The following OR4Q3 variants were observed in gnomAD, a reference collection of about 807,000 sequenced individuals.
OR4Q3 encodes olfactory receptor family 4 subfamily Q member 3.
Under a neutral mutation model 18.8 loss-of-function variants are expected in OR4Q3, and 17 were observed. That is an observed-to-expected ratio of 0.91 (90% CI 0.62 to 1.36). The LOEUF (loss-of-function observed/expected upper bound fraction) is 1.36, where lower values mean the gene tolerates loss of function less well. Ranked by LOEUF, OR4Q3 falls within the 40% of genes most tolerant of loss-of-function variation. The probability of loss-of-function intolerance (pLI) is 0.00; values close to 1 mark genes in which losing one functional copy is unlikely to be tolerated. For synonymous variants in OR4Q3, 158 were observed against 145.8 expected (o/e 1.08, Z -0.60); for missense variants, 378 against 373.4 (o/e 1.01, Z -0.10).
At chr14:19,747,793 C>G in exon 2 of OR4Q3, 2 of 1,614,046 alleles carry the variant, frequency 1.2e-6, no homozygotes, top group South Asian at 2.2e-5. Flanking sequence ...TGGCCTATGA[C>G]AGGTATGTTG....
At chr14:19,750,675 G>A, downstream of OR4Q3, among the ~76,000 whole-genome samples, 1 of 152,214 alleles carries the variant, frequency 6.6e-6, no homozygotes, top group Non-Finnish European at 1.5e-5. Context: ...TGTGTTGGGA[G>A]TTAATGACTT....
chr14:19,751,731 GT>G, downstream of OR4Q3, among the ~76,000 whole-genome samples: 1 of 151,790 alleles, frequency 6.6e-6, no homozygotes, highest in East Asian at 1.9e-4. Flanking sequence ...GGGATCAGTT[GT>G]AATGTCATTT....
exon 2 of OR4Q3, chr14:19,748,277 A>G: frequency 6.3e-7 from 1 of 1,596,842 alleles, no homozygotes; most frequent in African/African-American, 1.3e-5. Flanking sequence ...ACCTATGTTG[A>G]ACCCCCTCAT....
chr14:19,749,202 G>A, exon 2 of OR4Q3: 1 of 152,256 alleles, frequency 6.6e-6, no homozygotes, highest in Non-Finnish European at 1.5e-5. Context: ...TTTTTGAGAT[G>A]CTCACAGTTA....
exon 2 of OR4Q3, chr14:19,749,318 G>A: frequency 6.6e-6 from 1 of 152,292 alleles, no homozygotes; most frequent in African/African-American, 2.4e-5. Flanking sequence ...TAGAAGAAAT[G>A]CAATCAATCA....
At chr14:19,749,929 C>T, downstream of OR4Q3, among the ~76,000 whole-genome samples, 6 of 136,316 alleles carry the variant, frequency 4.4e-5, no homozygotes, top group Admixed American at 3.9e-4. Context: ...TTCTTTCTCT[C>T]TCTCTTTCTT....
At chr14:19,744,742 G>A in intron 1 of OR4Q3, among the ~76,000 whole-genome samples, 1 of 152,194 alleles carries the variant, frequency 6.6e-6, no homozygotes, top group Non-Finnish European at 1.5e-5. Flanking sequence ...ATGGGATAAT[G>A]AAGCTGGTGT....
At chr14:19,746,550 C>T in intron 1 of OR4Q3, among the ~76,000 whole-genome samples, 2 of 152,138 alleles carry the variant, frequency 1.3e-5, no homozygotes, top group African/African-American at 4.8e-5. Flanking sequence ...GGCTCTTGGT[C>T]TCTTCTCTTG....
downstream of OR4Q3, among the ~76,000 whole-genome samples, chr14:19,749,651 T>C: frequency 8.0e-6 from 1 of 124,442 alleles, no homozygotes; most frequent in Non-Finnish European, 1.6e-5. Flanking sequence ...AAGCTAATAA[T>C]TATATAATTA....
At chr14:19,747,272 G>A in intron 1 of OR4Q3, 134 bp from the exon 2 acceptor site, 1 of 428,358 alleles carries the variant, frequency 2.3e-6, no homozygotes, top group Non-Finnish European at 3.9e-6. Flanking sequence ...ATATAAGAGT[G>A]TACTGCCTAT....
chr14:19,747,550 A>G, exon 2 of OR4Q3: 1 of 1,613,670 alleles, frequency 6.2e-7, no homozygotes. Flanking sequence ...TTGTCCTGGG[A>G]AACCTCTTGA....
chr14:19,752,022 C>T, downstream of OR4Q3, among the ~76,000 whole-genome samples: 1 of 152,198 alleles, frequency 6.6e-6, no homozygotes, highest in Non-Finnish European at 1.5e-5. Context: ...AGAAAATTAA[C>T]AGGATAGATT....
chr14:19,751,102 T>C, downstream of OR4Q3, among the ~76,000 whole-genome samples: 1 of 152,242 alleles, frequency 6.6e-6, no homozygotes. Context: ...GCAAAATGTA[T>C]AGTCTTGGCA....
chr14:19,744,615 C>T (rs559279731), intron 1 of OR4Q3, among the ~76,000 whole-genome samples: 28 of 152,276 alleles, frequency 1.8e-4, no homozygotes, highest in Admixed American at 3.9e-4. Context: ...TAAGCATTCT[C>T]AATTTTTTTG....
chr14:19,747,694 G>A, exon 2 of OR4Q3: 1 of 1,613,992 alleles, frequency 6.2e-7, no homozygotes, highest in East Asian at 2.2e-5. Context: ...TCCTACAGCA[G>A]GGCAAGAGCA....
chr14:19,748,199 A>G, exon 2 of OR4Q3: 2 of 1,613,950 alleles, frequency 1.2e-6, no homozygotes, highest in Non-Finnish European at 1.7e-6. Flanking sequence ...ATGCGTATTC[A>G]TCTATTTGAG....
downstream of OR4Q3, among the ~76,000 whole-genome samples, chr14:19,750,526 T>C: frequency 6.6e-6 from 1 of 152,246 alleles, no homozygotes; most frequent in Non-Finnish European, 1.5e-5. Context: ...GAGGCTTTTA[T>C]GATTACTTAG....
exon 2 of OR4Q3, chr14:19,748,649 T>A: frequency 4.7e-6 from 2 of 429,558 alleles, no homozygotes; most frequent in East Asian, 3.9e-5. Context: ...CTTTTCTATC[T>A]TTATGTCTCT....
chr14:19,749,593 C>T, downstream of OR4Q3: 36 of 23,972 alleles, frequency 1.5e-3, no homozygotes, highest in African/African-American at 9.7e-3. Context: ...AAGCAAAACT[C>T]GGTCTCAAAG....
Sources: allele counts gnomAD v4.1 joint callset (sites outside exome capture counted in the v4.1 genomes callset), GRCh38; gene constraint gnomAD v4.1.1; transcripts MANE v1.5; gene names NCBI Gene and HGNC (gene_info 2026-07-23, HGNC 2026-07-21).